FAM32A: variants seen among roughly 807,000 people sequenced by gnomAD.
The protein encoded by FAM32A is family with sequence similarity 32 member A, also known as protein FAM32A.
FAM32A carries 9 observed loss-of-function variants against 15.8 expected under a neutral mutation model. The ratio of observed to expected loss-of-function variants is 0.57; its 90% CI spans 0.34 to 1.00. The LOEUF is 1.00. Among genes scored for constraint, FAM32A ranks in the 50% least tolerant of loss-of-function variants. FAM32A has a pLI of 0.02. For synonymous variants in FAM32A, 64 were observed against 54.9 expected, an observed-to-expected ratio of 1.16 and a Z score of -0.73; for missense variants, 113 against 138.3, an observed-to-expected ratio of 0.82 and a Z score of 0.92.
rs2145101430 is a variant in FAM32A at position 16,191,608 on chromosome 19, A to C, written c.*653A>C. 1 of 153,356 alleles carries C rather than the reference A, an allele frequency of 6.5e-6. No homozygotes were observed. Among genetic ancestry groups the C allele is most frequent in the Middle Eastern group, 3.4e-3 (1 of 294 alleles). 9.5% of individuals were successfully genotyped at this position (153,356 alleles called of 1,614,324 possible). ...AAAACCCCCCTTCCAGGTGCTTCTA[A>C]TGGGTGTTGCCATAGCAGACGCTGC... is the stretch of plus-strand genomic sequence containing the variant. On this transcript the variant is annotated 3_prime_UTR_variant, in exon 4 of 4. Coordinates refer to ENST00000263384, the MANE Select transcript of FAM32A (RefSeq NM_014077.4).
At position 16,191,209 on chromosome 19, in the gene FAM32A, T is replaced by A. The variant is rs2091405238; in HGVS notation, c.*254T>A. 2.1e-6 allele frequency: 1 copy of A among 479,822 alleles called. No homozygotes were observed. Among genetic ancestry groups the A allele is most frequent in the African/African-American group, 2.0e-5 (1 of 50,782 alleles). The allele number at this position is 479,822 out of a possible 1,614,324, so 29.7% of individuals were successfully genotyped here. On this transcript the variant is annotated 3_prime_UTR_variant, in exon 4 of 4. Transcript: ENST00000263384. ...CGTTTGGATGGAAAGTTTCTAAGTT[T>A]ATCCAGAGGTAAAGCCCATTGTGTG...
chr19:16,187,011 G>A (rs1310947064), intron 2 of FAM32A, among the ~76,000 whole-genome samples: 1 of 152,124 alleles, frequency 6.6e-6, no homozygotes, highest in African/African-American at 2.4e-5. Context: ...CGGTGACACT[G>A]GGGAAAATGG....
Position 16,191,029 on chromosome 19 carries a change from G to A in FAM32A, c.*74G>A. 1 of 1,175,310 alleles carries A rather than the reference G, an allele frequency of 8.5e-7. No homozygotes were observed. The highest frequency in any genetic ancestry group is 1.3e-6 in the Non-Finnish European group (1 of 783,766). The allele number at this position is 1,175,310 out of a possible 1,614,324, so 72.8% of individuals were successfully genotyped here. A position where few individuals can be genotyped will look rare whatever the true frequency, so the allele number is the denominator to read the frequency against. On this transcript the variant is annotated 3_prime_UTR_variant, in exon 4 of 4. Transcript: ENST00000263384. ...ACTGGGGTTGTGTGTGTTTCCTTTG[G>A]TATATTCTGGAAACATGGCTACACA...
intron 2 of FAM32A, among the ~76,000 whole-genome samples, chr19:16,188,112 G>A (rs1184849804): frequency 1.3e-5 from 2 of 152,214 alleles, no homozygotes; most frequent in Non-Finnish European, 2.9e-5. Context: ...AGATTTTATT[G>A]CTGGAAGCCA....
intron 2 of FAM32A, chr19:16,189,630 C>T (rs1303493305): frequency 3.4e-5 from 5 of 146,374 alleles, no homozygotes; most frequent in Non-Finnish European, 6.0e-5. Flanking sequence ...CCAGGTGTGG[C>T]CTCAGATCTG....
chr19:16,190,859 A>T (rs1259751355), intron 3 of FAM32A, 28 bp from the exon 4 acceptor site: 1 of 1,603,884 alleles, frequency 6.2e-7, no homozygotes, highest in East Asian at 2.2e-5. Flanking sequence ...GTCTGCGCTG[A>T]CACCGGCCTT....
rs11086026 is a variant in FAM32A, at chr19:16,191,276, C to T, written c.*321C>T. The T allele has an allele frequency of 0.071, 24,940 of 349,032 alleles. 1,842 individuals are homozygous for T. The highest frequency in any genetic ancestry group is 0.31 in the East Asian group (4,169 of 13,578). 21.6% of individuals were successfully genotyped at this position (349,032 alleles called of 1,614,324 possible). A position where few individuals can be genotyped will look rare whatever the true frequency, so the allele number is the denominator to read the frequency against. On this transcript the variant is annotated 3_prime_UTR_variant, in exon 4 of 4. Coordinates refer to ENST00000263384, the MANE Select transcript of FAM32A (RefSeq NM_014077.4). ...ATGTTTTCACCCGAGTTGCATGTAA[C>T]GCTCTGAGGCCAGCCAGCTGTCTTC... is the stretch of plus-strand genomic sequence containing the variant.
rs775492304 is a variant in FAM32A at position 16,185,787 on chromosome 19, C to T, written c.216+22C>T. 1.1e-5 allele frequency: 17 copies of T among 1,542,824 alleles called. No individual in the cohort carries two copies. The South Asian group carries it at 1.9e-4, about 17-fold the overall frequency. ...GCGGGTGAGCAGAAGCAGAAGGCGG[C>T]GGGGAGGCGGGAACACCCGGCGCCG... On this transcript the variant is annotated intron_variant, in intron 2 of 3. Transcript: ENST00000263384.
intron 2 of FAM32A, chr19:16,186,458 C>G (rs545801551): frequency 1.3e-5 from 2 of 152,060 alleles, no homozygotes; most frequent in African/African-American, 2.4e-5. Context: ...CGTAGAGATG[C>G]GGTTTCACCA....
chr19:16,190,829 C>A, intron 3 of FAM32A, 58 bp from the exon 4 acceptor site: 1 of 1,435,088 alleles, frequency 7.0e-7, no homozygotes, highest in African/African-American at 1.4e-5. Context: ...AGTGCCACTT[C>A]TCCCCAGTAC....
chr19:16,189,018 T>G (rs990700931), intron 2 of FAM32A, among the ~76,000 whole-genome samples: 8 of 133,784 alleles, frequency 6.0e-5, no homozygotes, highest in East Asian at 4.1e-4. Context: ...CCTCAGTGCT[T>G]CTTTTTTTTT....
At chr19:16,186,030 G>C (rs1253815905) in intron 2 of FAM32A, among the ~76,000 whole-genome samples, 1 of 152,236 alleles carries the variant, frequency 6.6e-6, no homozygotes, top group Admixed American at 6.5e-5. Flanking sequence ...GGAGACCCGG[G>C]TTTGGATTCC....
intron 2 of FAM32A, chr19:16,189,200 T>G (rs1250402511): frequency 6.6e-6 from 1 of 152,114 alleles, no homozygotes; most frequent in Non-Finnish European, 1.5e-5. Context: ...TTTTTGTATT[T>G]TTAGTAGAGA....
At chr19:16,185,796 G>A in intron 2 of FAM32A, 31 bp downstream of exon 2, 1 of 1,542,060 alleles carries the variant, frequency 6.5e-7, no homozygotes, top group East Asian at 2.4e-5. Flanking sequence ...GCGGGGAGGC[G>A]GGAACACCCG....
In FAM32A at chr19:16,190,539, A is replaced by T; in HGVS notation, c.236A>T (p.Lys79Met). ...QEKRQMERIL[K>M]KASKTHKQRV... The stretch of plus-strand genomic sequence containing the variant: ...CTCCAGCAAATGGAAAGGATCCTAA[A>T]GAAGGCATCCAAAACCCACAAGCAG... Residue 79 changes from lysine (K) to methionine (M), a missense_variant, in exon 3 of 4, where the codon AAG (lysine) becomes ATG (methionine). Transcript: ENST00000263384. 1 of 1,613,046 alleles carries T rather than the reference A, an allele frequency of 6.2e-7. No homozygotes were observed. The highest frequency in any genetic ancestry group is 8.5e-7 in the Non-Finnish European group (1 of 1,179,398).
At chr19:16,187,804 G>A (rs751030005) in intron 2 of FAM32A, among the ~76,000 whole-genome samples, 4 of 148,644 alleles carry the variant, frequency 2.7e-5, no homozygotes, top group Non-Finnish European at 5.9e-5. Flanking sequence ...GGAGTGCATT[G>A]GTATGATCTC....
At chr19:16,185,581 G>C (rs1434278067) in intron 1 of FAM32A, 43 bp from the exon 2 acceptor site, 6 of 1,592,164 alleles carry the variant, frequency 3.8e-6, no homozygotes, top group African/African-American at 2.7e-5. Context: ...GGGACCCCTG[G>C]CCCTGATCCT....
In FAM32A at chr19:16,185,421, T is replaced by C. The variant is rs780875528; in HGVS notation, c.-22T>C. The C allele has an allele frequency of 2.6e-6, 4 of 1,547,482 alleles. No individual in the cohort carries two copies. Among genetic ancestry groups the C allele is most frequent in the South Asian group, 1.2e-5 (1 of 84,042 alleles). ...CAAACAGGAAGTGTGGCACTCCAGC[T>C]ACCGAAGCACTGGAGAGTGTCATGG... On this transcript the variant is annotated 5_prime_UTR_variant, in exon 1 of 4. Coordinates refer to ENST00000263384, the MANE Select transcript of FAM32A (RefSeq NM_014077.4).
In FAM32A at chr19:16,191,057, C is replaced by G. The variant is rs529177823; in HGVS notation, c.*102C>G. ...TATTCTGGAAACATGGCTACACACA[C>G]CCTTGCATCTTCTGCTACAGACTGC... On this transcript the variant is annotated 3_prime_UTR_variant, in exon 4 of 4. Coordinates refer to ENST00000263384, the MANE Select transcript of FAM32A (RefSeq NM_014077.4). The G allele has an allele frequency of 1.1e-6, 1 of 873,022 alleles. No homozygotes were observed. The highest frequency in any genetic ancestry group is 1.9e-6 in the Non-Finnish European group (1 of 521,506). The allele number at this position is 873,022 out of a possible 1,614,324, so 54.1% of individuals were successfully genotyped here.
Sources: gnomAD v4.1 joint callset for allele counts (sites outside exome capture counted in the v4.1 genomes callset) on GRCh38, gnomAD v4.1.1 for gene constraint, MANE v1.5 for transcripts, NCBI Gene and HGNC (gene_info 2026-07-23, HGNC 2026-07-21) for gene names.